The following FOXO1 variants were observed in gnomAD, a reference collection of about 807,000 sequenced individuals.
FOXO1 encodes forkhead box protein O1.
In FOXO1, 6 loss-of-function variants were observed where a neutral mutation model predicts 44.1. The observed-to-expected ratio is 0.14, with a 90% CI of 0.07 to 0.27. The LOEUF (loss-of-function observed/expected upper bound fraction) is 0.27. Among genes scored for constraint, FOXO1 ranks in the 10% least tolerant of loss-of-function variants. The pLI is 1.00. For missense variants in FOXO1, 737 were observed against 888.8 expected (o/e 0.83, Z 2.17); for synonymous variants, 380 against 362.7 (o/e 1.05, Z -0.54).
At chr13:40,638,141 GTTCT>G (rs1877222745) in intron 1 of FOXO1, among the ~76,000 whole-genome samples, 2 of 152,158 alleles carry the variant, frequency 1.3e-5, no homozygotes, top group African/African-American at 2.4e-5. Context: ...TGCTGTGAAG[GTTCT>G]TTCTGTTTCT....
At position 40,572,098 on chromosome 13, in the gene FOXO1, G is replaced by C. The variant is rs149479215; in HGVS notation, c.631-11238C>G. Among the ~76,000 whole-genome samples the C allele has an allele frequency of 1.9e-3, 286 of 152,218 alleles. 2 individuals are homozygous for C. Among genetic ancestry groups the C allele is most frequent in the Admixed American group, 5.4e-3 (83 of 15,300 alleles). ...AAATGTATATTCAAGGTATGTTCCC[G>C]AATTGTTTACAGAAGCCAGTGAAAA... On this transcript the variant is annotated intron_variant, in intron 1 of 2. Transcript: ENST00000379561.
In FOXO1 at chr13:40,559,624, T is replaced by C. The variant is rs1389394140; in HGVS notation, c.1867A>G (p.Met623Val). The C allele has an allele frequency of 6.2e-7, 1 of 1,611,268 alleles. No individual in the cohort carries two copies. The highest frequency in any genetic ancestry group is 2.2e-5 in the East Asian group (1 of 44,756). Residue 623 changes from methionine to valine, a missense_variant, in exon 2 of 3, where the codon ATG (methionine) becomes GTG (valine). Met to Val is a conservative substitution (Grantham distance 21, BLOSUM62 1). This residue lies in a region of FOXO1 where 45 missense variants were observed against 78.3 expected (regional missense o/e 0.57). Transcript: ENST00000379561. ...DMESIIRNDL[M>V]DGDTLDFNFD... is the part of the protein sequence containing the mutation. ...TTAAAATCCAATGTATCTCCATCCA[T>C]GAGGTCATTCCGAATGATGGATTCC...
intron 1 of FOXO1, among the ~76,000 whole-genome samples, chr13:40,611,570 G>A (rs1463643144): frequency 6.6e-6 from 1 of 152,136 alleles, no homozygotes; most frequent in African/African-American, 2.4e-5. Flanking sequence ...CCTGCTAGAG[G>A]GGTTCACGTG....
intron 1 of FOXO1, among the ~76,000 whole-genome samples, chr13:40,585,554 C>A (rs1490240939): frequency 6.6e-6 from 1 of 152,178 alleles, no homozygotes; most frequent in Non-Finnish European, 1.5e-5. Flanking sequence ...ATTGATAACA[C>A]CTAAAATTCC....
At chr13:40,623,710 C>T (rs978823024) in intron 1 of FOXO1, among the ~76,000 whole-genome samples, 1 of 152,020 alleles carries the variant, frequency 6.6e-6, no homozygotes, top group African/African-American at 2.4e-5. Flanking sequence ...ATCTGGAGAA[C>T]TAGATGAGTT....
At chr13:40,616,049 C>T (rs1876412156) in intron 1 of FOXO1, among the ~76,000 whole-genome samples, 1 of 152,086 alleles carries the variant, frequency 6.6e-6, no homozygotes, top group South Asian at 2.1e-4. Flanking sequence ...TTGAACCAGA[C>T]ACGGAAGTGG....
chr13:40,610,950 T>C (rs887428004), intron 1 of FOXO1: 4 of 386,986 alleles, frequency 1.0e-5, no homozygotes, highest in Non-Finnish European at 2.1e-5. Flanking sequence ...TTCATTAAGG[T>C]TGCCAGGCCT....
chr13:40,629,493 T>C (rs1876894013), intron 1 of FOXO1, among the ~76,000 whole-genome samples: 1 of 152,178 alleles, frequency 6.6e-6, no homozygotes, highest in Admixed American at 6.5e-5. Context: ...TAGAGGTATA[T>C]CAAGTGCAGA....
intron 1 of FOXO1, among the ~76,000 whole-genome samples, chr13:40,654,941 T>A (rs1460716857): frequency 6.6e-6 from 1 of 152,130 alleles, no homozygotes; most frequent in African/African-American, 2.4e-5. Flanking sequence ...AAGATGAGAA[T>A]GAAGTTGAAG....
At chr13:40,579,859 A>C (rs1874893651) in intron 1 of FOXO1, among the ~76,000 whole-genome samples, 1 of 152,220 alleles carries the variant, frequency 6.6e-6, no homozygotes, top group African/African-American at 2.4e-5. Context: ...CTGGGATTGG[A>C]AAGTTTATTT....
At chr13:40,579,743 G>A (rs1383708556) in intron 1 of FOXO1, among the ~76,000 whole-genome samples, 1 of 152,204 alleles carries the variant, frequency 6.6e-6, no homozygotes, top group African/African-American at 2.4e-5. Flanking sequence ...AGTTTCTAGG[G>A]TCACCACAAT....
At chr13:40,584,501 A>AAAAAAGC (rs1555248680) in intron 1 of FOXO1, among the ~76,000 whole-genome samples, 15 of 117,246 alleles carry the variant, frequency 1.3e-4, no homozygotes, top group African/African-American at 1.8e-4. Flanking sequence ...AAAAAAAAAA[A>AAAAAAGC]GCCAGATGCA....
chr13:40,621,944 T>C (rs1385241556), intron 1 of FOXO1, among the ~76,000 whole-genome samples: 2 of 152,232 alleles, frequency 1.3e-5, no homozygotes, highest in African/African-American at 2.4e-5. Context: ...ATACTGCGTA[T>C]GGCACAATGT....
At chr13:40,651,015 C>T (rs576077049) in intron 1 of FOXO1, among the ~76,000 whole-genome samples, 23 of 152,270 alleles carry the variant, frequency 1.5e-4, no homozygotes, top group South Asian at 4.1e-4. Context: ...TCAAGTGATC[C>T]GCCAACCTCA....
In FOXO1 at chr13:40,639,239, G is replaced by A. The variant is rs374618159; in HGVS notation, c.630+26344C>T. ...ACAACAGTTACTAAGACAATGAAAA[G>A]GGAAGCAGGGATATGGAGAAGGTTC... On this transcript the variant is annotated intron_variant, in intron 1 of 2. Transcript: ENST00000379561. Among the ~76,000 whole-genome samples the A allele has an allele frequency of 5.3e-5, 8 of 152,110 alleles. No individual in the cohort carries two copies. The East Asian group carries it at 1.5e-3, about 29-fold the overall frequency.
chr13:40,567,975 A>T (rs1217409734), intron 1 of FOXO1, among the ~76,000 whole-genome samples: 1 of 152,112 alleles, frequency 6.6e-6, no homozygotes, highest in African/African-American at 2.4e-5. Context: ...CTTAAAAAAA[A>T]AAAATTTACA....
intron 1 of FOXO1, among the ~76,000 whole-genome samples, chr13:40,586,404 T>G (rs1201840229): frequency 6.6e-6 from 1 of 152,094 alleles, no homozygotes; most frequent in African/African-American, 2.4e-5. Flanking sequence ...CCCAATAAAA[T>G]GGTGGCACAG....
intron 1 of FOXO1, among the ~76,000 whole-genome samples, chr13:40,572,987 T>C (rs1469885735): frequency 2.0e-5 from 3 of 152,222 alleles, no homozygotes; most frequent in Non-Finnish European, 4.4e-5. Flanking sequence ...GTTTCAGTAA[T>C]GCTGCTTTCA....
In FOXO1 at chr13:40,560,112, C is replaced by A; in HGVS notation, c.1379G>T (p.Gly460Val). 6.2e-7 allele frequency: 1 copy of A among 1,614,108 alleles called. No individual in the cohort carries two copies. Among genetic ancestry groups the A allele is most frequent in the Non-Finnish European group, 8.5e-7 (1 of 1,180,020 alleles). The change falls in exon 2 of 3, where the codon GGA becomes GTA. Residue 460 changes from glycine to valine, a missense_variant. By Grantham distance (109) the Gly-to-Val change is moderately radical. This residue lies in a region of FOXO1 where 283 missense variants were observed against 278.1 expected (regional missense o/e 1.02). Transcript: ENST00000379561. This position sits in a 1 kb window ranked among gnomAD's most constrained non-coding sequence, Gnocchi z 5.1. ...AGAAGTCAGCAACTCCTTCAAGAGT[C>A]CAGGCGCACAGTTATACTGACTCAT... ...GGMSQYNCAP[G>V]LLKELLTSDS...
Sources: allele counts gnomAD v4.1 joint callset (sites outside exome capture counted in the v4.1 genomes callset), GRCh38; gene constraint gnomAD v4.1.1; regional missense constraint gnomAD v4.1.1; non-coding constraint Gnocchi (gnomAD v3.1); transcripts MANE v1.5; gene names NCBI Gene and HGNC (gene_info 2026-07-23, HGNC 2026-07-21).